RUSF1: variants seen among roughly 807,000 people sequenced by gnomAD.
The protein encoded by RUSF1 is RUS family member 1.
A neutral mutation model predicts 63.0 loss-of-function variants in RUSF1; 58 were observed. The ratio of observed to expected loss-of-function variants is 0.92; its 90% CI spans 0.75 to 1.15. RUSF1 has a LOEUF of 1.15. RUSF1 is among the 50% of genes most tolerant of loss of function. The probability of loss-of-function intolerance (pLI) is 0.00; values close to 1 mark genes in which losing one functional copy is unlikely to be tolerated. For synonymous variants in RUSF1, 274 were observed against 255.8 expected (o/e 1.07, Z -0.68); for missense variants, 652 against 611.0 (o/e 1.07, Z -0.71).
chr16:31,507,547 T>C (rs1847051415), intron 2 of RUSF1, among the ~76,000 whole-genome samples: 1 of 152,140 alleles, frequency 6.6e-6, no homozygotes, highest in Admixed American at 6.5e-5. Context: ...CAGAAGTCTG[T>C]GTGGGGAATG....
intron 2 of RUSF1, among the ~76,000 whole-genome samples, chr16:31,505,596 TACAGAA>T (rs2082654856): frequency 6.6e-6 from 1 of 152,220 alleles, no homozygotes; most frequent in East Asian, 1.9e-4. Context: ...CTGTTACCAC[TACAGAA>T]AAAGTGCCTA....
At chr16:31,499,113 C>G (rs920416368) in intron 5 of RUSF1, 189 bp downstream of exon 5, 8 of 629,032 alleles carry the variant, frequency 1.3e-5, no homozygotes, top group Non-Finnish European at 2.3e-5. Context: ...TAGACATTGC[C>G]TTACACTTTC....
intron 2 of RUSF1, among the ~76,000 whole-genome samples, 180 bp downstream of exon 2, chr16:31,507,584 G>A (rs1249994773): frequency 6.6e-6 from 1 of 152,184 alleles, no homozygotes; most frequent in Admixed American, 6.5e-5. Context: ...CTGGTGAGTG[G>A]GATGAGGGTC....
intron 2 of RUSF1, among the ~76,000 whole-genome samples, chr16:31,502,033 A>G (rs2082635243): frequency 6.6e-6 from 1 of 152,202 alleles, no homozygotes; most frequent in African/African-American, 2.4e-5. Context: ...AAGTTTGTCA[A>G]TCTGGACCAT....
At chr16:31,504,693 G>A (rs1039594732) in intron 2 of RUSF1, among the ~76,000 whole-genome samples, 1 of 152,220 alleles carries the variant, frequency 6.6e-6, no homozygotes, top group African/African-American at 2.4e-5. Flanking sequence ...AGCACAAACT[G>A]TTCTTGTAGG....
At position 31,490,413 on chromosome 16, in the gene RUSF1, G is replaced by C; in HGVS notation, c.*422C>G. ...TCCTCCGCCCCTTACCCAGGAGGAGGCAGCGGCAGCAGCCAGGCGGCTGGA... is the reference window on the plus strand; with the variant it reads ...TCCTCCGCCCCTTACCCAGGAGGAGCCAGCGGCAGCAGCCAGGCGGCTGGA... On this transcript the variant is annotated 3_prime_UTR_variant, in exon 13 of 13. Coordinates refer to ENST00000327237, the MANE Select transcript of RUSF1 (RefSeq NM_022744.4). The C allele has an allele frequency of 6.2e-7, 1 of 1,613,500 alleles. No individual in the cohort carries two copies. Among genetic ancestry groups the C allele is most frequent in the Non-Finnish European group, 8.5e-7 (1 of 1,179,892 alleles).
Position 31,499,287 on chromosome 16 carries a change from C to T in RUSF1, c.600+15G>A. 5 of 1,607,506 alleles carry T rather than the reference C, an allele frequency of 3.1e-6. No individual in the cohort carries two copies. Among genetic ancestry groups the T allele is most frequent in the Non-Finnish European group, 4.3e-6 (5 of 1,174,186 alleles). ...CAGGTGTTTTAGGCAGATGGGTGCC[C>T]CCACAGGCAGCTACCTTGGCTAGGT... On this transcript the variant is annotated intron_variant, in intron 5 of 12. Transcript: ENST00000327237.
In RUSF1 at chr16:31,490,498, T is replaced by C. The variant is rs775638719; in HGVS notation, c.*337A>G. 4 of 1,613,660 alleles carry C rather than the reference T, an allele frequency of 2.5e-6. No individual in the cohort carries two copies. The highest frequency in any genetic ancestry group is 1.6e-4 in the Middle Eastern group (1 of 6,082). ...GTCAACCTCAATGCCCTGCTCATGA[T>C]GGCAGTGGCCGTGTTCCTCTGGGGC... On this transcript the variant is annotated 3_prime_UTR_variant, in exon 13 of 13. Coordinates refer to ENST00000327237, the MANE Select transcript of RUSF1 (RefSeq NM_022744.4).
At chr16:31,491,316 AG>A (rs1408060059) in intron 12 of RUSF1, among the ~76,000 whole-genome samples, 2 of 151,950 alleles carry the variant, frequency 1.3e-5, no homozygotes, top group Non-Finnish European at 2.9e-5. Context: ...AGGATTGCAG[AG>A]AGAATCCATC....
chr16:31,490,196 G>A lies in RUSF1; in HGVS notation c.*639C>T, dbSNP rs746724730. 3.7e-5 allele frequency: 59 copies of A among 1,614,078 alleles called. No homozygotes were observed. The highest frequency in any genetic ancestry group is 1.6e-4 in the Middle Eastern group (1 of 6,082). On this transcript the variant is annotated 3_prime_UTR_variant, in exon 13 of 13. Transcript: ENST00000327237. ...AGCAAGGCTCCTCACTCCCTGTACA[G>A]AATGGGTGCCCAGAGAGTGCCATGG... is the stretch of plus-strand genomic sequence containing the variant.
chr16:31,507,309 C>T (rs2082664710), intron 2 of RUSF1, among the ~76,000 whole-genome samples: 1 of 152,156 alleles, frequency 6.6e-6, no homozygotes, highest in Non-Finnish European at 1.5e-5. Context: ...CTATTATTTA[C>T]AGCATCATCT....
At chr16:31,495,873 T>C (rs989517064) in intron 6 of RUSF1, among the ~76,000 whole-genome samples, 1 of 152,212 alleles carries the variant, frequency 6.6e-6, no homozygotes, top group Admixed American at 6.5e-5. Context: ...ACTTGGCACA[T>C]GGTTAGTGCT....
Position 31,508,073 on chromosome 16 carries a change from C to T in RUSF1, c.300+1G>A. ...CCTCTGCCCCAGACGACCGAGCTGA[C>T]CTGCACGGAATCCCACAGCTGGTAG... is the stretch of plus-strand genomic sequence containing the variant. On this transcript the variant is annotated splice_donor_variant, in intron 1 of 12. Coordinates refer to ENST00000327237, the MANE Select transcript of RUSF1 (RefSeq NM_022744.4). LOFTEE classifies it high-confidence loss of function. 6.2e-7 allele frequency: 1 copy of T among 1,601,250 alleles called. No individual in the cohort carries two copies.
At position 31,490,021 on chromosome 16, in the gene RUSF1, T is replaced by C; in HGVS notation, c.*814A>G. On this transcript the variant is annotated 3_prime_UTR_variant, in exon 13 of 13. Transcript: ENST00000327237. ...GGACAGAGGTGGGTAGGGCAGGCAG[T>C]GACGAGCTGGTGTGCAAGAGACTTT... 2 of 1,580,246 alleles carry C rather than the reference T, an allele frequency of 1.3e-6. No individual in the cohort carries two copies. Among genetic ancestry groups the C allele is most frequent in the East Asian group, 4.6e-5 (2 of 43,896 alleles).
intron 10 of RUSF1, among the ~76,000 whole-genome samples, 173 bp downstream of exon 10, chr16:31,492,805 C>G (rs1308233532): frequency 5.9e-5 from 9 of 152,234 alleles, no homozygotes; most frequent in Non-Finnish European, 1.3e-4. Flanking sequence ...CTCTGTTTTA[C>G]AAAGCGGTGA....
In RUSF1 at chr16:31,492,221, C is replaced by A. The variant is rs144347942; in HGVS notation, c.1207G>T (p.Glu403Ter). Residue 403 changes from glutamate (E) to a stop codon, truncating the protein, a stop_gained, in exon 11 of 13, where the codon GAG becomes TAG. Coordinates refer to ENST00000327237, the MANE Select transcript of RUSF1 (RefSeq NM_022744.4). LOFTEE classifies it high-confidence loss of function. ...GDGPLPAELE[E>*]LRNRVRAGPK... The stretch of plus-strand genomic sequence containing the variant: ...CCTGCCCGCACCCGGTTCCTCAGCT[C>A]CTCCAGCTCTGCTGGAAGGGGTCCA... 30 of 1,611,936 alleles carry A rather than the reference C, an allele frequency of 1.9e-5. No individual in the cohort carries two copies. The African/African-American group carries it at 3.3e-4, about 18-fold the overall frequency.
At chr16:31,507,687 T>A (rs2082667139) in intron 2 of RUSF1, 77 bp downstream of exon 2, 1 of 1,339,894 alleles carries the variant, frequency 7.5e-7, no homozygotes, top group African/African-American at 1.5e-5. Flanking sequence ...CACGAGTCCA[T>A]ACATATATAC....
intron 5 of RUSF1, 127 bp downstream of exon 5, chr16:31,499,175 T>G: frequency 1.2e-6 from 1 of 866,424 alleles, no homozygotes; most frequent in Non-Finnish European, 1.8e-6. Flanking sequence ...GATGGTTGGG[T>G]TCGAGTAGAA....
At chr16:31,500,894 A>G (rs925824711) in intron 2 of RUSF1, among the ~76,000 whole-genome samples, 163 bp from the exon 3 acceptor site, 3 of 152,212 alleles carry the variant, frequency 2.0e-5, no homozygotes, top group Non-Finnish European at 4.4e-5. Flanking sequence ...ATGGGGTCAG[A>G]AGTGCCTACA....
Sources: allele counts gnomAD v4.1 joint callset (sites outside exome capture counted in the v4.1 genomes callset), GRCh38; gene constraint gnomAD v4.1.1; transcripts MANE v1.5; gene names NCBI Gene and HGNC (gene_info 2026-07-23, HGNC 2026-07-21).